The following CAPN2 variants were observed in gnomAD, a reference collection of about 807,000 sequenced individuals.
CAPN2 encodes the protein calpain 2, also known as calpain-2 catalytic subunit.
In CAPN2, 92 loss-of-function variants were observed where a neutral mutation model predicts 102.3. The ratio of observed to expected loss-of-function variants is 0.90; its 90% confidence interval spans 0.76 to 1.07. The LOEUF is 1.07. CAPN2 is among the 50% of genes least tolerant of loss of function. The pLI is 0.00. For missense variants in CAPN2, 800 were observed against 909.4 expected, an observed-to-expected ratio of 0.88 and a Z score of 1.55; for synonymous variants, 340 against 355.4, an observed-to-expected ratio of 0.96 and a Z score of 0.49.
In CAPN2 at chr1:223,775,006, A is replaced by C. The variant is rs1661577459; in HGVS notation, c.*149A>C. 1 of 687,846 alleles carries C rather than the reference A, an allele frequency of 1.5e-6. No individual in the cohort carries two copies. Among genetic ancestry groups the C allele is most frequent in the Admixed American group, 2.7e-5 (1 of 37,610 alleles). 42.6% of individuals were successfully genotyped at this position (687,846 alleles called of 1,614,324 possible). On this transcript the variant is annotated 3_prime_UTR_variant, in exon 21 of 21. Coordinates refer to ENST00000295006, the MANE Select transcript of CAPN2 (RefSeq NM_001748.5). ...CATAGCTGAAAATAATGATACTGTC[A>C]ATTTGAGATAGCAGAAGTTTCACAC...
Position 223,717,938 on chromosome 1 carries a change from A to G in CAPN2, c.307+107A>G, listed in dbSNP as rs562589986. On this transcript the variant is annotated intron_variant, in intron 2 of 20. Transcript: ENST00000295006. The stretch of plus-strand genomic sequence containing the variant: ...CTCTCCCTTCCCAAGCAGCTTGGCA[A>G]TTTCTATTTGCAGAGAAGCTCCATG... 3.7e-6 allele frequency: 3 copies of G among 818,550 alleles called. No individual in the cohort carries two copies. The South Asian group carries it at 4.4e-5, about 12-fold the overall frequency. 50.7% of individuals were successfully genotyped at this position (818,550 alleles called of 1,614,324 possible).
At chr1:223,761,779 G>C (rs895064571) in intron 13 of CAPN2, 162 bp downstream of exon 13, 4 of 621,788 alleles carry the variant, frequency 6.4e-6, no homozygotes, top group Admixed American at 2.7e-5. Flanking sequence ...CATCAGCTCT[G>C]GCCTCTGTGC....
chr1:223,729,635 G>T (rs1660280999), intron 2 of CAPN2, among the ~76,000 whole-genome samples: 1 of 152,176 alleles, frequency 6.6e-6, no homozygotes, highest in Admixed American at 6.5e-5. Context: ...GCTGGAGGGG[G>T]CTCCGAGTCA....
rs547677097 is a variant in CAPN2, at chr1:223,713,110, C to A, written c.237+233C>A. ...CTTCCACCCACCACGCTTTCCTGGG[C>A]GGGTCGAGGCGAATCACTGCCCTCA... On this transcript the variant is annotated intron_variant, in intron 1 of 20. Transcript: ENST00000295006. Among the ~76,000 whole-genome samples, 290 of 152,294 alleles carry A rather than the reference C, an allele frequency of 1.9e-3. 2 individuals are homozygous for A. The highest frequency in any genetic ancestry group is 6.9e-3 in the African/African-American group (285 of 41,562).
intron 10 of CAPN2, 83 bp from the exon 11 acceptor site, chr1:223,757,283 CGGG>C: frequency 7.0e-7 from 1 of 1,427,840 alleles, no homozygotes; most frequent in Non-Finnish European, 9.9e-7. Context: ...ACAGAGAAAA[CGGG>C]GGCAGCGGAA....
At position 223,741,435 on chromosome 1, in the gene CAPN2, A is replaced by ATATATATATATATAT. The variant is rs1382515776; in HGVS notation, c.308-2665_308-2664insTATATATATATATAT. On this transcript the variant is annotated intron_variant, in intron 2 of 20. Transcript: ENST00000295006. ...GGCTGTAAAATGTATATATATATAT[A>ATATATATATATATAT]ATGTGTATATATATATATATATATA... Among the ~76,000 whole-genome samples, 51 of 40,552 alleles carry ATATATATATATATAT rather than the reference A, an allele frequency of 1.3e-3. 2 individuals are homozygous for ATATATATATATATAT. Among genetic ancestry groups the ATATATATATATATAT allele is most frequent in the African/African-American group, 7.8e-3 (50 of 6,410 alleles). The allele number at this position is 40,552 out of a possible 152,430, so 26.6% of individuals were successfully genotyped here. A position where few individuals can be genotyped will look rare whatever the true frequency, so the allele number is the denominator to read the frequency against.
intron 12 of CAPN2, among the ~76,000 whole-genome samples, chr1:223,760,822 T>C (rs1319761103): frequency 1.3e-5 from 2 of 152,160 alleles, no homozygotes; most frequent in Admixed American, 1.3e-4. Flanking sequence ...ATCCTTCTGC[T>C]CCAGATTCCA....
At chr1:223,730,010 C>CAAAAAAAAAAAA (rs57382658) in intron 2 of CAPN2, among the ~76,000 whole-genome samples, 19 of 79,012 alleles carry the variant, frequency 2.4e-4, no homozygotes, top group East Asian at 1.4e-3. Context: ...CCCAAAAAAC[C>CAAAAAAAAAAAA]AAAAAAAAAA....
intron 5 of CAPN2, among the ~76,000 whole-genome samples, chr1:223,747,870 C>T (rs1475779039): frequency 1.3e-5 from 2 of 152,118 alleles, no homozygotes; most frequent in Non-Finnish European, 2.9e-5. Context: ...TTCTGAGCAC[C>T]CCAGTGTCTA....
intron 2 of CAPN2, among the ~76,000 whole-genome samples, chr1:223,741,438 G>GTA (rs1660611147): frequency 1.2e-5 from 1 of 83,268 alleles, no homozygotes; most frequent in Non-Finnish European, 2.0e-5. Context: ...TATATATAAT[G>GTA]TGTATATATA....
At chr1:223,742,632 A>G (rs1271063197) in intron 2 of CAPN2, among the ~76,000 whole-genome samples, 1 of 148,672 alleles carries the variant, frequency 6.7e-6, no homozygotes, top group Non-Finnish European at 1.5e-5. Context: ...TAGTCCTCCC[A>G]CCTCAGCCTC....
chr1:223,733,546 A>T (rs1660381885), intron 2 of CAPN2, among the ~76,000 whole-genome samples: 1 of 151,908 alleles, frequency 6.6e-6, no homozygotes, highest in Non-Finnish European at 1.5e-5. Context: ...TCCTCAGAGG[A>T]GGGTCTGGGT....
At chr1:223,771,710 C>T (rs1661474852) in intron 18 of CAPN2, 99 bp from the exon 19 acceptor site, 4 of 797,060 alleles carry the variant, frequency 5.0e-6, no homozygotes, top group Admixed American at 1.9e-5. Flanking sequence ...AGCAATTATA[C>T]CTCATTTAAA....
rs575711265 is a variant in CAPN2, at chr1:223,775,178, A to G, written c.*321A>G. ...CTGTTCATAGCAATATTAAATCAGG[A>G]AAAAAAAATGCAGGGAGGTATTTAA... On this transcript the variant is annotated 3_prime_UTR_variant, in exon 21 of 21. Transcript: ENST00000295006. 8.3e-6 allele frequency: 2 copies of G among 240,510 alleles called. No homozygotes were observed. Among genetic ancestry groups the G allele is most frequent in the South Asian group, 1.2e-4 (1 of 8,232 alleles). 14.9% of individuals were successfully genotyped at this position (240,510 alleles called of 1,614,324 possible). A position where few individuals can be genotyped will look rare whatever the true frequency, so the allele number is the denominator to read the frequency against.
At chr1:223,763,267 C>T (rs893255118) in intron 14 of CAPN2, among the ~76,000 whole-genome samples, 9 of 151,984 alleles carry the variant, frequency 5.9e-5, no homozygotes, top group African/African-American at 2.2e-4. Flanking sequence ...TTGAGCTCAT[C>T]TGGTACTCCC....
At position 223,755,682 on chromosome 1, in the gene CAPN2, C is replaced by A; in HGVS notation, c.1305+33C>A. On this transcript the variant is annotated intron_variant, in intron 10 of 20. Transcript: ENST00000295006. The surrounding 1 kb of genome is among the most constrained non-coding windows in gnomAD (Gnocchi z 4.1). ...GCGCAGGGGCTCCTGCCCTCCCTTC[C>A]CCATGTGTTCATCTCAGCCCCTGCA... The A allele has an allele frequency of 1.3e-6, 2 of 1,525,392 alleles. No homozygotes were observed. Among genetic ancestry groups the A allele is most frequent in the Non-Finnish European group, 8.8e-7 (1 of 1,135,310 alleles). 94.5% of individuals were successfully genotyped at this position (1,525,392 alleles called of 1,614,324 possible). A position where few individuals can be genotyped will look rare whatever the true frequency, so the allele number is the denominator to read the frequency against.
intron 2 of CAPN2, among the ~76,000 whole-genome samples, chr1:223,733,626 C>T (rs1204802329): frequency 6.6e-6 from 1 of 152,158 alleles, no homozygotes; most frequent in Non-Finnish European, 1.5e-5. Context: ...GGCAGCCCTG[C>T]TGGGGGCAGT....
chr1:223,730,777 T>G (rs1206091687), intron 2 of CAPN2, among the ~76,000 whole-genome samples: 2 of 152,232 alleles, frequency 1.3e-5, no homozygotes, highest in Admixed American at 6.5e-5. Flanking sequence ...GGAATCCCCT[T>G]GACTAAGGGG....
intron 3 of CAPN2, among the ~76,000 whole-genome samples, 200 bp downstream of exon 3, chr1:223,744,418 G>C (rs956250928): frequency 2.0e-5 from 3 of 152,088 alleles, no homozygotes; most frequent in African/African-American, 7.3e-5. Flanking sequence ...GGATGGCCCT[G>C]GGTGGTTTCT....
Sources: allele counts gnomAD v4.1 joint callset (sites outside exome capture counted in the v4.1 genomes callset), GRCh38; gene constraint gnomAD v4.1.1; non-coding constraint Gnocchi (gnomAD v3.1); transcripts MANE v1.5; gene names NCBI Gene and HGNC (gene_info 2026-07-23, HGNC 2026-07-21).